The following NIPSNAP2 variants were observed in gnomAD, a reference collection of about 807,000 sequenced individuals.
The protein encoded by NIPSNAP2 is nipsnap homolog 2, also known as protein NipSnap homolog 2.
Under a neutral mutation model 48.4 loss-of-function variants are expected in NIPSNAP2, and 42 were observed. That is an observed-to-expected ratio of 0.87 (90% confidence interval 0.68 to 1.12). NIPSNAP2 has a LOEUF of 1.12. Among genes scored for constraint, NIPSNAP2 ranks in the 50% most tolerant of loss-of-function variants. NIPSNAP2 has a pLI of 0.00. For missense variants in NIPSNAP2, 314 were observed against 347.3 expected, an observed-to-expected ratio of 0.90 and a Z score of 0.76; for synonymous variants, 158 against 126.6, an observed-to-expected ratio of 1.25 and a Z score of -1.67.
At chr7:55,970,343 C>T (rs1047978184) in intron 1 of NIPSNAP2, among the ~76,000 whole-genome samples, 1 of 149,986 alleles carries the variant, frequency 6.7e-6, no homozygotes, top group Non-Finnish European at 1.5e-5. Context: ...GAGTCTTGCA[C>T]TCTTGCCCAG....
At chr7:55,990,267 T>C (rs1787416494) in intron 7 of NIPSNAP2, among the ~76,000 whole-genome samples, 1 of 150,440 alleles carries the variant, frequency 6.6e-6, no homozygotes, top group Admixed American at 6.6e-5. Flanking sequence ...CTTGCTCTGT[T>C]GCCCAGGCTG....
chr7:55,988,952 A>G (rs531479947), intron 7 of NIPSNAP2, among the ~76,000 whole-genome samples: 1 of 152,298 alleles, frequency 6.6e-6, no homozygotes, highest in South Asian at 2.1e-4. Context: ...AAACACTTAT[A>G]TATATGTGTA....
At chr7:55,990,748 C>CT (rs936764414) in intron 7 of NIPSNAP2, among the ~76,000 whole-genome samples, 23 of 148,776 alleles carry the variant, frequency 1.5e-4, no homozygotes, top group African/African-American at 3.4e-4. Flanking sequence ...ACCTTTTTGC[C>CT]TTTTTTTTTA....
chr7:55,979,831 G>T (rs77896070), intron 3 of NIPSNAP2: 24,776 of 456,538 alleles, frequency 0.054, 825 homozygotes, highest in Admixed American at 0.084. Context: ...ATGGGATTCT[G>T]CCCAACCCAT....
chr7:55,987,055 C>G (rs1347809607), intron 7 of NIPSNAP2, among the ~76,000 whole-genome samples: 2 of 147,032 alleles, frequency 1.4e-5, no homozygotes, highest in African/African-American at 2.5e-5. Flanking sequence ...CTCAGCTATT[C>G]AGGAGGCTGA....
At chr7:55,979,680 C>T (rs1167538033) in intron 3 of NIPSNAP2, 1 of 437,874 alleles carries the variant, frequency 2.3e-6, no homozygotes, top group Non-Finnish European at 4.6e-6. Context: ...CAATACATTA[C>T]CCCAAAGTTT....
chr7:55,979,187 A>C (rs1275980991), intron 3 of NIPSNAP2: 1 of 152,362 alleles, frequency 6.6e-6, no homozygotes, highest in African/African-American at 2.4e-5. Context: ...AAATGTAACA[A>C]TAGCATTGAA....
intron 7 of NIPSNAP2, chr7:55,991,916 A>C: frequency 5.0e-6 from 1 of 201,432 alleles, no homozygotes; most frequent in African/African-American, 2.4e-5. Context: ...ACCATAACTA[A>C]ATTACAAAAA....
intron 7 of NIPSNAP2, among the ~76,000 whole-genome samples, chr7:55,989,282 G>T (rs556393048): frequency 6.6e-6 from 1 of 152,142 alleles, no homozygotes; most frequent in African/African-American, 2.4e-5. Flanking sequence ...ATTTAATACC[G>T]TTTTTAGAAA....
At chr7:55,974,264 A>AAAAG (rs139861103) in intron 1 of NIPSNAP2, among the ~76,000 whole-genome samples, 14 of 102,638 alleles carry the variant, frequency 1.4e-4, no homozygotes, top group Middle Eastern at 4.3e-3. Context: ...TAAGCAAAAA[A>AAAAG]AAAGAAAGAA....
At chr7:55,982,637 A>G (rs1787238025) in intron 5 of NIPSNAP2, among the ~76,000 whole-genome samples, 1 of 151,974 alleles carries the variant, frequency 6.6e-6, no homozygotes, top group African/African-American at 2.4e-5. Context: ...CTGTAGTCCC[A>G]GCTACTCGGG....
chr7:55,972,132 C>A (rs1466812361), intron 1 of NIPSNAP2, among the ~76,000 whole-genome samples: 3 of 151,926 alleles, frequency 2.0e-5, no homozygotes, highest in Admixed American at 6.6e-5. Context: ...ATGGTGAAAA[C>A]CCACCTCTAC....
chr7:55,985,518 CTCAAGTCCAGGAGT>C (rs1270711073), intron 7 of NIPSNAP2, among the ~76,000 whole-genome samples: 2 of 151,990 alleles, frequency 1.3e-5, no homozygotes, highest in Non-Finnish European at 2.9e-5. Context: ...AGGAGAATCA[CTCAAGTCCAGGAGT>C]TCAAGACCAG....
At chr7:55,980,714 G>A (rs995576228) in intron 3 of NIPSNAP2, 2 of 152,152 alleles carry the variant, frequency 1.3e-5, no homozygotes, top group African/African-American at 4.8e-5. Context: ...ACACTGCCGT[G>A]ACCTGTCATG....
At chr7:55,967,459 A>T (rs1786918081) in intron 1 of NIPSNAP2, among the ~76,000 whole-genome samples, 1 of 151,992 alleles carries the variant, frequency 6.6e-6, no homozygotes, top group South Asian at 2.1e-4. Context: ...AGTGAAGGGG[A>T]TGACTAAAGA....
intron 7 of NIPSNAP2, among the ~76,000 whole-genome samples, 176 bp from the exon 8 acceptor site, chr7:55,994,718 A>G (rs1403997070): frequency 6.6e-6 from 1 of 151,814 alleles, no homozygotes; most frequent in Non-Finnish European, 1.5e-5. Context: ...GTCTCAAATA[A>G]TAATAAAGTA....
rs146053018 is a variant in NIPSNAP2 at position 55,966,474 on chromosome 7, A to G, written c.92+1773A>G. ...AATAAGTACATAAATAAAAATTTGT[A>G]TAATGAAACTTTTTTTAAACCATAG... On this transcript the variant is annotated intron_variant, in intron 1 of 9. Transcript: ENST00000322090. Among the ~76,000 whole-genome samples, 149 of 152,170 alleles carry G rather than the reference A, an allele frequency of 9.8e-4. 1 individual carries two copies. The Middle Eastern group carries it at 0.01, about 10-fold the overall frequency.
At chr7:55,995,013 T>TA in intron 8 of NIPSNAP2, 25 bp downstream of exon 8, 1 of 1,582,138 alleles carries the variant, frequency 6.3e-7, no homozygotes, top group South Asian at 1.1e-5. Context: ...CTTTTCGAGT[T>TA]ACTGGGATTT....
chr7:55,987,804 A>G (rs1787362533), intron 7 of NIPSNAP2, among the ~76,000 whole-genome samples: 1 of 152,204 alleles, frequency 6.6e-6, no homozygotes, highest in African/African-American at 2.4e-5. Context: ...GGAGCTGGGC[A>G]GAGAGGGAAT....
Sources: allele counts gnomAD v4.1 joint callset (sites outside exome capture counted in the v4.1 genomes callset), GRCh38; gene constraint gnomAD v4.1.1; transcripts MANE v1.5; gene names NCBI Gene and HGNC (gene_info 2026-07-23, HGNC 2026-07-21).